GALNT17: variants seen among roughly 807,000 people sequenced by gnomAD.
The protein encoded by GALNT17 is polypeptide N-acetylgalactosaminyltransferase 17, also known as UDP-GalNAc:polypeptide N-acetylgalactosaminyltransferase-like 3.
A neutral mutation model predicts 63.7 loss-of-function variants in GALNT17; 29 were observed. That is an observed-to-expected ratio of 0.46 (90% CI 0.34 to 0.62). The LOEUF is 0.62. Among genes scored for constraint, GALNT17 ranks in the 20% least tolerant of loss-of-function variants. The probability of loss-of-function intolerance (pLI) is 0.01; values close to 1 mark genes in which losing one functional copy is unlikely to be tolerated. For synonymous variants in GALNT17, 305 were observed against 318.3 expected (o/e 0.96, Z 0.45); for missense variants, 603 against 799.6 (o/e 0.75, Z 2.97).
intron 5 of GALNT17, among the ~76,000 whole-genome samples, chr7:71,471,879 T>C (rs1379646588): frequency 6.6e-6 from 1 of 152,104 alleles, no homozygotes; most frequent in Non-Finnish European, 1.5e-5. Context: ...CAAATTTCCC[T>C]AAGCAGGTAC....
chr7:71,625,600 TTGAC>T (rs1412675375), intron 6 of GALNT17, among the ~76,000 whole-genome samples: 6 of 152,278 alleles, frequency 3.9e-5, no homozygotes, highest in Admixed American at 6.5e-5. Flanking sequence ...AAGGTTCTGA[TTGAC>T]TGGCCCTCGG....
At chr7:71,423,124 G>A (rs886509975) in intron 5 of GALNT17, among the ~76,000 whole-genome samples, 7 of 152,210 alleles carry the variant, frequency 4.6e-5, no homozygotes, top group Non-Finnish European at 8.8e-5. Context: ...TATGGGCACA[G>A]GATGGGGGAC....
intron 5 of GALNT17, among the ~76,000 whole-genome samples, chr7:71,437,481 T>G (rs1786986738): frequency 6.6e-6 from 1 of 152,202 alleles, no homozygotes; most frequent in African/African-American, 2.4e-5. Flanking sequence ...ACTTTATCAC[T>G]TTCTGGGAAA....
intron 9 of GALNT17, among the ~76,000 whole-genome samples, chr7:71,706,067 G>GT (rs1791719106): frequency 6.6e-6 from 1 of 152,196 alleles, no homozygotes; most frequent in Non-Finnish European, 1.5e-5. Context: ...AAAAGCGGAT[G>GT]TGAGATCTGT....
At chr7:71,248,049 A>C (rs1397901556) in intron 1 of GALNT17, among the ~76,000 whole-genome samples, 1 of 152,184 alleles carries the variant, frequency 6.6e-6, no homozygotes, top group African/African-American at 2.4e-5. Context: ...AGGAAGACCC[A>C]AGACTGGGTA....
At chr7:71,300,740 G>A (rs146532968) in intron 1 of GALNT17, 2 of 241,198 alleles carry the variant, frequency 8.3e-6, no homozygotes, top group East Asian at 2.6e-4. Context: ...TCCCATCACT[G>A]CGTCTCCTCT....
In GALNT17 at chr7:71,202,992, G is replaced by GCACA. The variant is rs144239987; in HGVS notation, c.238+69965_238+69968dup. ...ATAGTGGGTATATGTATACACACGT[G>GCACA]CACACACACACACACATACATACAC... On this transcript the variant is annotated intron_variant, in intron 1 of 10. Transcript: ENST00000333538. 2.8e-4 allele frequency among the ~76,000 whole-genome samples: 43 copies of GCACA among 151,134 alleles called. 2 individuals carry two copies. The South Asian group carries it at 8.1e-3, about 29-fold the overall frequency.
At chr7:71,341,019 C>A (rs1377271675) in intron 2 of GALNT17, among the ~76,000 whole-genome samples, 1 of 152,088 alleles carries the variant, frequency 6.6e-6, no homozygotes, top group Non-Finnish European at 1.5e-5. Flanking sequence ...GCCTGGGCAA[C>A]AGAGTGAGAC....
At chr7:71,364,883 T>C (rs1792473884) in intron 2 of GALNT17, among the ~76,000 whole-genome samples, 1 of 152,144 alleles carries the variant, frequency 6.6e-6, no homozygotes, top group Non-Finnish European at 1.5e-5. Flanking sequence ...TTCTCCTATC[T>C]TTCCCCTGCA....
At chr7:71,645,252 T>C (rs1314228310) in intron 6 of GALNT17, among the ~76,000 whole-genome samples, 1 of 152,196 alleles carries the variant, frequency 6.6e-6, no homozygotes. Context: ...GTGATATGGT[T>C]CGGTTCTATG....
chr7:71,555,695 G>A (rs1436010155), intron 5 of GALNT17, among the ~76,000 whole-genome samples: 1 of 151,968 alleles, frequency 6.6e-6, no homozygotes, highest in Non-Finnish European at 1.5e-5. Flanking sequence ...CATCAAACCA[G>A]TGTCTGGGAG....
intron 9 of GALNT17, among the ~76,000 whole-genome samples, chr7:71,679,676 G>C (rs1348361302): frequency 1.3e-5 from 2 of 151,950 alleles, no homozygotes; most frequent in South Asian, 2.1e-4. Flanking sequence ...TGCTGAGAGA[G>C]AAGGCAGCAG....
At chr7:71,462,804 T>C (rs891646726) in intron 5 of GALNT17, among the ~76,000 whole-genome samples, 1 of 152,194 alleles carries the variant, frequency 6.6e-6, no homozygotes, top group African/African-American at 2.4e-5. Flanking sequence ...GAGAGATAAC[T>C]TTGAATAGAA....
At chr7:71,250,261 C>A (rs1253677502) in intron 1 of GALNT17, among the ~76,000 whole-genome samples, 1 of 151,154 alleles carries the variant, frequency 6.6e-6, no homozygotes, top group East Asian at 1.9e-4. Flanking sequence ...TGAGGGATAT[C>A]TGTCATCCAA....
At chr7:71,189,097 A>G (rs986091134) in intron 1 of GALNT17, among the ~76,000 whole-genome samples, 2 of 152,128 alleles carry the variant, frequency 1.3e-5, no homozygotes, top group Middle Eastern at 3.2e-3. Context: ...CATAATTCCC[A>G]TGTATTGTGG....
intron 1 of GALNT17, among the ~76,000 whole-genome samples, chr7:71,294,766 G>A (rs1182566665): frequency 2.6e-5 from 4 of 151,944 alleles, no homozygotes; most frequent in Admixed American, 2.0e-4. Flanking sequence ...GTTCTATTTT[G>A]TATATTCAAA....
intron 1 of GALNT17, among the ~76,000 whole-genome samples, chr7:71,299,303 C>T (rs1791147485): frequency 1.3e-5 from 2 of 152,176 alleles, no homozygotes; most frequent in African/African-American, 4.8e-5. Context: ...ATGATTCTGT[C>T]ATAAATCCTT....
chr7:71,634,383 A>C (rs974423675), intron 6 of GALNT17, among the ~76,000 whole-genome samples: 3 of 152,204 alleles, frequency 2.0e-5, no homozygotes, highest in Non-Finnish European at 4.4e-5. Context: ...AAGTCCTGGG[A>C]ACTTGTGCCC....
intron 1 of GALNT17, among the ~76,000 whole-genome samples, chr7:71,154,872 G>A (rs965477782): frequency 6.6e-6 from 1 of 151,740 alleles, no homozygotes; most frequent in Admixed American, 6.6e-5. Context: ...CACCGCGCCC[G>A]GCCACAATAG....
Sources: allele counts gnomAD v4.1 joint callset (sites outside exome capture counted in the v4.1 genomes callset), GRCh38; gene constraint gnomAD v4.1.1; transcripts MANE v1.5; gene names NCBI Gene and HGNC (gene_info 2026-07-23, HGNC 2026-07-21).